Variants in ZNF804B observed in about 807,000 individuals in gnomAD.
The protein encoded by ZNF804B is zinc finger 804B.
ZNF804B carries 80 observed loss-of-function variants against 101.4 expected under a neutral mutation model. The ratio of observed to expected loss-of-function variants is 0.79; its 90% confidence interval spans 0.66 to 0.95. The LOEUF (loss-of-function observed/expected upper bound fraction) is 0.95. Ranked by LOEUF, ZNF804B falls within the 40% of genes least tolerant of loss-of-function variation. ZNF804B has a pLI of 0.00. For missense variants in ZNF804B, 1,673 were observed against 1,561.9 expected, an observed-to-expected ratio of 1.07 and a Z score of -1.20; for synonymous variants, 622 against 558.8, an observed-to-expected ratio of 1.11 and a Z score of -1.59.
At chr7:89,268,075 T>A (rs139606901) in intron 2 of ZNF804B, among the ~76,000 whole-genome samples, 8 of 152,272 alleles carry the variant, frequency 5.3e-5, no homozygotes, top group African/African-American at 1.9e-4. Context: ...ATGAACCTTT[T>A]GGACCAAAAG....
chr7:89,321,173 C>A (rs1584123778), intron 2 of ZNF804B, among the ~76,000 whole-genome samples: 1 of 151,524 alleles, frequency 6.6e-6, no homozygotes, highest in East Asian at 1.9e-4. Context: ...AGAATTTTAA[C>A]ATAAACTGTA....
chr7:88,964,974 T>C (rs1793433785), intron 1 of ZNF804B, among the ~76,000 whole-genome samples: 1 of 151,454 alleles, frequency 6.6e-6, no homozygotes, highest in African/African-American at 2.4e-5. Context: ...AATTTTACTG[T>C]TGAAGAAAAT....
At chr7:89,189,734 C>G (rs899690094) in intron 1 of ZNF804B, among the ~76,000 whole-genome samples, 1 of 152,092 alleles carries the variant, frequency 6.6e-6, no homozygotes, top group Non-Finnish European at 1.5e-5. Flanking sequence ...GCCTCATTCC[C>G]ATTTCTCTCT....
At chr7:89,088,126 G>T (rs1789833662) in intron 1 of ZNF804B, among the ~76,000 whole-genome samples, 1 of 151,892 alleles carries the variant, frequency 6.6e-6, no homozygotes, top group Admixed American at 6.6e-5. Context: ...AACCCAGTCT[G>T]GCTGAATCAA....
intron 1 of ZNF804B, among the ~76,000 whole-genome samples, chr7:89,094,467 C>G (rs574218547): frequency 3.9e-5 from 6 of 152,194 alleles, no homozygotes; most frequent in Non-Finnish European, 7.4e-5. Flanking sequence ...TCTGCTCTTT[C>G]CTGTTTGAGT....
chr7:88,820,108 T>C (rs1212001194), intron 1 of ZNF804B, among the ~76,000 whole-genome samples: 2 of 152,176 alleles, frequency 1.3e-5, no homozygotes, highest in African/African-American at 4.8e-5. Flanking sequence ...TAGCAAGTCC[T>C]GCTGAAATGG....
At chr7:88,998,812 C>T (rs1286883053) in intron 1 of ZNF804B, among the ~76,000 whole-genome samples, 4 of 152,132 alleles carry the variant, frequency 2.6e-5, no homozygotes, top group South Asian at 2.1e-4. Flanking sequence ...GGGTGCAGGG[C>T]AGAGTCCTAA....
intron 2 of ZNF804B, among the ~76,000 whole-genome samples, chr7:89,310,105 C>A (rs1322893202): frequency 6.7e-6 from 1 of 150,074 alleles, no homozygotes; most frequent in Admixed American, 6.6e-5. Flanking sequence ...AAAAAAGAGT[C>A]AGCTTTTGCT....
intron 2 of ZNF804B, among the ~76,000 whole-genome samples, chr7:89,268,900 TC>T (rs1789841205): frequency 1.3e-5 from 2 of 152,124 alleles, no homozygotes; most frequent in Non-Finnish European, 2.9e-5. Context: ...AAGACTCAGA[TC>T]AGGCAGATGG....
chr7:89,279,384 C>T (rs1331332705), intron 2 of ZNF804B, among the ~76,000 whole-genome samples: 2 of 150,668 alleles, frequency 1.3e-5, no homozygotes, highest in African/African-American at 4.9e-5. Context: ...ATTTCCAACA[C>T]TATGTTGAAT....
At chr7:89,311,556 T>C (rs1291933264) in intron 2 of ZNF804B, among the ~76,000 whole-genome samples, 3 of 152,202 alleles carry the variant, frequency 2.0e-5, no homozygotes, top group Non-Finnish European at 4.4e-5. Context: ...TACTGAATTT[T>C]TATTTGTTCA....
intron 1 of ZNF804B, among the ~76,000 whole-genome samples, chr7:88,882,702 T>C (rs924311557): frequency 6.6e-6 from 1 of 152,016 alleles, no homozygotes; most frequent in Non-Finnish European, 1.5e-5. Context: ...ATGTCATTTG[T>C]GGCAACACGA....
At position 89,276,607 on chromosome 7, in the gene ZNF804B, T is replaced by G. The variant is rs577025648; in HGVS notation, c.250-50737T>G. ...TTTATGCATGTTTCAAAGGGAACAT[T>G]TAACTATGTCTGTGACAATCAAAAT... is the stretch of plus-strand genomic sequence containing the variant. On this transcript the variant is annotated intron_variant, in intron 2 of 3. Transcript: ENST00000333190. Among the ~76,000 whole-genome samples the G allele has an allele frequency of 2.4e-4, 37 of 152,040 alleles. 1 individual carries two copies. In the South Asian group the frequency reaches 7.0e-3, roughly 29 times the overall value.
chr7:89,008,983 G>T (rs1257409008), intron 1 of ZNF804B, among the ~76,000 whole-genome samples: 2 of 151,992 alleles, frequency 1.3e-5, no homozygotes, highest in East Asian at 3.9e-4. Context: ...TGTGATACAG[G>T]GTCATATACC....
intron 1 of ZNF804B, among the ~76,000 whole-genome samples, chr7:89,083,392 A>G (rs1250376429): frequency 6.6e-6 from 1 of 151,676 alleles, no homozygotes; most frequent in African/African-American, 2.4e-5. Flanking sequence ...CTCCAAATGC[A>G]CTCTCTTGGT....
chr7:88,786,701 C>T (rs116817000), intron 1 of ZNF804B, among the ~76,000 whole-genome samples: 4,664 of 152,036 alleles, frequency 0.031, 227 homozygotes, highest in African/African-American at 0.095. Flanking sequence ...TGGAGATATC[C>T]AACCAGGAAG....
chr7:89,225,490 T>G (rs563093705), intron 2 of ZNF804B, among the ~76,000 whole-genome samples: 27 of 152,140 alleles, frequency 1.8e-4, no homozygotes, highest in Non-Finnish European at 3.7e-4. Context: ...CTCTAGAACT[T>G]AGAGCAATTT....
chr7:89,075,254 C>G (rs546797494), intron 1 of ZNF804B, among the ~76,000 whole-genome samples: 3 of 152,140 alleles, frequency 2.0e-5, no homozygotes, highest in Non-Finnish European at 2.9e-5. Context: ...GCATGTCAGA[C>G]GTCTCTACGG....
At chr7:88,874,947 A>G (rs1225505755) in intron 1 of ZNF804B, among the ~76,000 whole-genome samples, 3 of 139,784 alleles carry the variant, frequency 2.1e-5, no homozygotes, top group Non-Finnish European at 3.0e-5. Flanking sequence ...AACAGAAATT[A>G]TAACAAACTA....
Sources: allele counts gnomAD v4.1 joint callset (sites outside exome capture counted in the v4.1 genomes callset), GRCh38; gene constraint gnomAD v4.1.1; transcripts MANE v1.5; gene names NCBI Gene and HGNC (gene_info 2026-07-23, HGNC 2026-07-21).